Variants in STK10 observed in about 807,000 individuals in gnomAD.
The protein encoded by STK10 is serine/threonine-protein kinase 10.
Under a neutral mutation model 113.8 loss-of-function variants are expected in STK10, and 78 were observed. The observed-to-expected ratio is 0.69, with a 90% CI of 0.57 to 0.83. The LOEUF (loss-of-function observed/expected upper bound fraction) is 0.83. Ranked by LOEUF, STK10 falls within the 40% of genes least tolerant of loss-of-function variation. STK10 has a pLI of 0.00. For synonymous variants in STK10, 465 were observed against 494.7 expected, an observed-to-expected ratio of 0.94 and a Z score of 0.80; for missense variants, 1,109 against 1,280.1, an observed-to-expected ratio of 0.87 and a Z score of 2.04.
At chr5:172,050,564 A>G (rs543760778) in intron 18 of STK10, among the ~76,000 whole-genome samples, 1 of 152,122 alleles carries the variant, frequency 6.6e-6, no homozygotes, top group Admixed American at 6.6e-5. Context: ...TTTAGCAAAC[A>G]CTCTCTTGAA....
chr5:172,105,467 C>A, intron 7 of STK10, 189 bp downstream of exon 7: 1 of 621,372 alleles, frequency 1.6e-6, no homozygotes, highest in Non-Finnish European at 2.8e-6. Context: ...GTCTGGGTGG[C>A]TTCGTTCCCC....
At chr5:172,143,756 T>C (rs1770025359) in intron 2 of STK10, among the ~76,000 whole-genome samples, 1 of 152,222 alleles carries the variant, frequency 6.6e-6, no homozygotes, top group Admixed American at 6.5e-5. Context: ...ACTTTATCCT[T>C]GAAGAAGCAG....
chr5:172,062,232 C>T (rs927233997), intron 13 of STK10, among the ~76,000 whole-genome samples: 2 of 152,046 alleles, frequency 1.3e-5, no homozygotes, highest in Non-Finnish European at 2.9e-5. Flanking sequence ...CCCGCCTCGG[C>T]CTCCCTATTC....
At chr5:172,099,720 G>C (rs192874441) in intron 7 of STK10, among the ~76,000 whole-genome samples, 1 of 152,194 alleles carries the variant, frequency 6.6e-6, no homozygotes, top group East Asian at 1.9e-4. Context: ...TCCACACTGC[G>C]CAATCTAACA....
chr5:172,138,922 G>A (rs1769923767), intron 2 of STK10, among the ~76,000 whole-genome samples: 1 of 152,200 alleles, frequency 6.6e-6, no homozygotes, highest in African/African-American at 2.4e-5. Flanking sequence ...GCTGAGGCAG[G>A]AGAATGGTGT....
chr5:172,130,155 C>T (rs1352938362), intron 2 of STK10, among the ~76,000 whole-genome samples: 2 of 152,106 alleles, frequency 1.3e-5, no homozygotes, highest in Non-Finnish European at 2.9e-5. Context: ...CTTGGACAAC[C>T]GCCAATCCTC....
chr5:172,080,157 T>C (rs983936977), intron 12 of STK10, among the ~76,000 whole-genome samples: 1 of 152,162 alleles, frequency 6.6e-6, no homozygotes, highest in Non-Finnish European at 1.5e-5. Flanking sequence ...GTTACTCCTG[T>C]AATTGTTATA....
chr5:172,093,964 GAA>G lies in STK10; in HGVS notation c.1006-6_1006-5del, dbSNP rs761312661. On this transcript the variant is annotated splice_region_variant and splice_polypyrimidine_tract_variant and intron_variant, in intron 8 of 18. Transcript: ENST00000176763. This position sits in a 1 kb window ranked among gnomAD's most constrained non-coding sequence, Gnocchi z 4.1. ...TCTGAGTATGGTTCTCCAGGGTCTA[GAA>G]AAATATATATATATATATTAAAGGC... 1 of 1,465,584 alleles carries G rather than the reference GAA, an allele frequency of 6.8e-7. No individual in the cohort carries two copies. Among genetic ancestry groups the G allele is most frequent in the African/African-American group, 1.4e-5 (1 of 70,692 alleles). 90.8% of individuals were successfully genotyped at this position (1,465,584 alleles called of 1,614,324 possible).
At chr5:172,184,803 C>T (rs985731991) in intron 1 of STK10, among the ~76,000 whole-genome samples, 12 of 152,106 alleles carry the variant, frequency 7.9e-5, no homozygotes, top group African/African-American at 2.9e-4. Context: ...AGGGCACGCG[C>T]CACCACACCC....
At position 172,173,675 on chromosome 5, in the gene STK10, C is replaced by G. The variant is rs529944756; in HGVS notation, c.156+14212G>C. On this transcript the variant is annotated intron_variant, in intron 1 of 18. Coordinates refer to ENST00000176763, the MANE Select transcript of STK10 (RefSeq NM_005990.4). The stretch of plus-strand genomic sequence containing the variant: ...CAACAAACTGAGGCTGATCCCAGAA[C>G]GCTTTACATCCCTCCACCCAGAAGC... Among the ~76,000 whole-genome samples the G allele has an allele frequency of 7.2e-5, 11 of 152,272 alleles. 1 individual carries two copies. The South Asian group carries it at 2.3e-3, about 32-fold the overall frequency.
chr5:172,101,884 C>A (rs1459542107), intron 7 of STK10, among the ~76,000 whole-genome samples: 1 of 149,062 alleles, frequency 6.7e-6, no homozygotes, highest in Non-Finnish European at 1.5e-5. Context: ...ATGCCGTGTT[C>A]AGAGCACAGC....
rs188810464 is a variant in STK10 at position 172,051,355 on chromosome 5, G to A, written c.2766+1574C>T. On this transcript the variant is annotated intron_variant, in intron 18 of 18. Transcript: ENST00000176763. ...GGAGGCAGAGGTTGCAGAGAGCCAC[G>A]TTCCCACGCCTGTAATCCCAGCACT... Among the ~76,000 whole-genome samples, 18 of 151,972 alleles carry A rather than the reference G, an allele frequency of 1.2e-4. No individual in the cohort carries two copies. The East Asian group carries it at 3.3e-3, about 28-fold the overall frequency.
intron 3 of STK10, among the ~76,000 whole-genome samples, chr5:172,119,383 C>G (rs60080704): frequency 0.023 from 3,507 of 152,112 alleles, 141 homozygotes; most frequent in African/African-American, 0.081. Flanking sequence ...ACGAGAAGTT[C>G]TGAGTGGGCC....
chr5:172,165,587 C>T (rs1474350977), intron 1 of STK10, among the ~76,000 whole-genome samples: 2 of 151,636 alleles, frequency 1.3e-5, no homozygotes, highest in Admixed American at 6.6e-5. Context: ...GCCTCTCCCT[C>T]GCTCTGAGTC....
intron 7 of STK10, among the ~76,000 whole-genome samples, chr5:172,097,745 A>G (rs896893461): frequency 6.6e-6 from 1 of 152,224 alleles, no homozygotes; most frequent in Non-Finnish European, 1.5e-5. Flanking sequence ...TTGGGTGGAC[A>G]TATGTGTTTG....
At position 172,087,606 on chromosome 5, in the gene STK10, A is replaced by AATTTATTTATTT. The variant is rs1319542446; in HGVS notation, c.1685+2625_1685+2626insAAATAAATAAAT. ...TTCATTTTTTACAATTTATTTTTTA[A>AATTTATTTATTT]ATTTATTTACTTATTTATTTTTTTT... On this transcript the variant is annotated intron_variant, in intron 10 of 18. Coordinates refer to ENST00000176763, the MANE Select transcript of STK10 (RefSeq NM_005990.4). Among the ~76,000 whole-genome samples the AATTTATTTATTT allele has an allele frequency of 2.3e-5, 3 of 131,820 alleles. 1 individual carries two copies. Among genetic ancestry groups the AATTTATTTATTT allele is most frequent in the African/African-American group, 1.1e-4 (3 of 28,232 alleles). 86.5% of individuals were successfully genotyped at this position (131,820 alleles called of 152,430 possible).
chr5:172,097,139 A>G (rs1768874132), intron 7 of STK10, among the ~76,000 whole-genome samples: 1 of 152,188 alleles, frequency 6.6e-6, no homozygotes, highest in South Asian at 2.1e-4. Context: ...ACCAGGTTCA[A>G]GGGATTCTCC....
intron 2 of STK10, among the ~76,000 whole-genome samples, chr5:172,128,941 G>A (rs1020936221): frequency 3.3e-5 from 5 of 152,228 alleles, no homozygotes; most frequent in Non-Finnish European, 5.9e-5. Context: ...GGAGCCTCCT[G>A]GCAATGTAAA....
chr5:172,083,204 C>G (rs2113732120), intron 10 of STK10, 120 bp from the exon 11 acceptor site: 1 of 1,293,030 alleles, frequency 7.7e-7, no homozygotes, highest in Non-Finnish European at 1.1e-6. Context: ...GTCTGGGGCA[C>G]AGGCATGACT....
Sources: allele counts gnomAD v4.1 joint callset (sites outside exome capture counted in the v4.1 genomes callset), GRCh38; gene constraint gnomAD v4.1.1; non-coding constraint Gnocchi (gnomAD v3.1); transcripts MANE v1.5; gene names NCBI Gene and HGNC (gene_info 2026-07-23, HGNC 2026-07-21).